ABCA13: variants seen among roughly 807,000 people sequenced by gnomAD.
ABCA13 encodes the protein ATP binding cassette subfamily A member 13, also known as ATP-binding cassette sub-family A member 13.
Under a neutral mutation model 478.7 loss-of-function variants are expected in ABCA13, and 476 were observed. That is an observed-to-expected ratio of 0.99 (90% CI 0.92 to 1.07). The LOEUF is 1.07. Ranked by LOEUF, ABCA13 falls within the 50% of genes least tolerant of loss-of-function variation. ABCA13 has a pLI of 0.00. For synonymous variants in ABCA13, 2,252 were observed against 2,158.9 expected (o/e 1.04, Z -1.20); for missense variants, 6,060 against 5,910.6 (o/e 1.03, Z -0.83).
At chr7:48,615,207 T>C (rs1792445974) in intron 58 of ABCA13, 78 bp from the exon 59 acceptor site, 15 of 972,060 alleles carry the variant, frequency 1.5e-5, no homozygotes, top group Non-Finnish European at 1.9e-5. Flanking sequence ...TCTTGTCTCC[T>C]TTTTGTTTTG....
chr7:48,293,204 C>CCCCCCCCCCCCCCAA (rs1554419805), intron 20 of ABCA13, among the ~76,000 whole-genome samples: 2 of 131,446 alleles, frequency 1.5e-5, no homozygotes, highest in Admixed American at 7.6e-5. Flanking sequence ...CCCCCCCCCG[C>CCCCCCCCCCCCCCAA]CACACACACA....
At chr7:48,531,178 T>A (rs1415089103) in intron 55 of ABCA13, among the ~76,000 whole-genome samples, 1 of 152,178 alleles carries the variant, frequency 6.6e-6, no homozygotes, top group Non-Finnish European at 1.5e-5. Flanking sequence ...AGGTGAGAGA[T>A]GAGGATCCAG....
chr7:48,184,927 T>G (rs922375164), intron 1 of ABCA13, among the ~76,000 whole-genome samples: 1 of 152,142 alleles, frequency 6.6e-6, no homozygotes, highest in Non-Finnish European at 1.5e-5. Context: ...CCTCAACCCC[T>G]TGGGCTCAAG....
intron 47 of ABCA13, among the ~76,000 whole-genome samples, chr7:48,488,508 C>G (rs1432048791): frequency 6.6e-6 from 1 of 152,176 alleles, no homozygotes; most frequent in African/African-American, 2.4e-5. Context: ...AGCGGATTAT[C>G]TGTCACAAAA....
intron 42 of ABCA13, among the ~76,000 whole-genome samples, chr7:48,442,865 A>G (rs1405473960): frequency 6.6e-6 from 1 of 152,182 alleles, no homozygotes; most frequent in Non-Finnish European, 1.5e-5. Context: ...TTATGGGGCT[A>G]TTCTCTCTTT....
chr7:48,645,285 A>C, intron 61 of ABCA13, 132 bp from the exon 62 acceptor site: 4 of 615,100 alleles, frequency 6.5e-6, no homozygotes, highest in Non-Finnish European at 5.7e-6. Context: ...TTGGGAGGGA[A>C]TGGTATGAAT....
intron 55 of ABCA13, among the ~76,000 whole-genome samples, chr7:48,542,296 A>G (rs565657205): frequency 6.6e-6 from 1 of 151,938 alleles, no homozygotes; most frequent in South Asian, 2.1e-4. Context: ...TACAAACATG[A>G]CAAATACAAC....
chr7:48,519,875 A>G (rs1832413507), intron 52 of ABCA13, among the ~76,000 whole-genome samples, 166 bp from the exon 53 acceptor site: 1 of 152,208 alleles, frequency 6.6e-6, no homozygotes, highest in Admixed American at 6.5e-5. Flanking sequence ...ATATCTCTAA[A>G]CAAAATACCT....
At chr7:48,288,205 T>C (rs1798031998) in intron 20 of ABCA13, 127 bp downstream of exon 20, 7 of 861,588 alleles carry the variant, frequency 8.1e-6, no homozygotes, top group Non-Finnish European at 1.3e-5. Context: ...CACAGTCTTG[T>C]TGCAAGCTGG....
chr7:48,495,131 G>A (rs1830166093), intron 48 of ABCA13, among the ~76,000 whole-genome samples: 1 of 152,158 alleles, frequency 6.6e-6, no homozygotes, highest in African/African-American at 2.4e-5. Flanking sequence ...AGGTATTATG[G>A]CAGTAGCAAT....
intron 48 of ABCA13, among the ~76,000 whole-genome samples, chr7:48,494,439 T>C (rs936258271): frequency 2.0e-5 from 3 of 152,036 alleles, no homozygotes; most frequent in African/African-American, 7.3e-5. Flanking sequence ...ATTTGAGATA[T>C]TTGAGAGAGA....
intron 59 of ABCA13, among the ~76,000 whole-genome samples, chr7:48,639,154 G>T (rs558438747): frequency 6.6e-6 from 1 of 152,286 alleles, no homozygotes; most frequent in African/African-American, 2.4e-5. Context: ...TTTCTTTCCA[G>T]TGGGTAATCA....
At chr7:48,512,256 G>GT (rs1831755382) in intron 51 of ABCA13, among the ~76,000 whole-genome samples, 1 of 152,098 alleles carries the variant, frequency 6.6e-6, no homozygotes, top group Non-Finnish European at 1.5e-5. Flanking sequence ...CTAATCCTCA[G>GT]TTTTTTCTTT....
In ABCA13 at chr7:48,271,844, G is replaced by A. The variant is rs778562592; in HGVS notation, c.2178G>A (p.Glu726=). 1.8e-5 allele frequency: 29 copies of A among 1,583,518 alleles called. No homozygotes were observed. Among genetic ancestry groups the A allele is most frequent in the African/African-American group, 2.7e-5 (2 of 74,380 alleles). Residue 726 remains glutamate, a synonymous_variant, in exon 17 of 62, where the codon GAG becomes GAA. Transcript: ENST00000435803. ...LMMEKKLHTL[E]DEQMNFLLSF... The stretch of plus-strand genomic sequence containing the variant: ...TGGAAAAGAAGTTGCACACCCTTGA[G>A]GATGAACAAATGAACTTTCTTTTAT...
At chr7:48,520,432 A>G in intron 53 of ABCA13, 138 bp downstream of exon 53, 1 of 1,063,280 alleles carries the variant, frequency 9.4e-7, no homozygotes, top group South Asian at 4.0e-5. Flanking sequence ...TTAAGATTTT[A>G]TTATTTTTTA....
At chr7:48,628,957 C>T (rs1793918360) in intron 59 of ABCA13, among the ~76,000 whole-genome samples, 1 of 152,188 alleles carries the variant, frequency 6.6e-6, no homozygotes, top group African/African-American at 2.4e-5. Context: ...CTAACAAGAA[C>T]AATAACTGAC....
chr7:48,424,111 A>G (rs1169957945), intron 41 of ABCA13, among the ~76,000 whole-genome samples: 1 of 152,206 alleles, frequency 6.6e-6, no homozygotes, highest in African/African-American at 2.4e-5. Flanking sequence ...TTCTTCTTAA[A>G]TTGGAAAGTG....
At chr7:48,244,173 C>T (rs147607675) in intron 10 of ABCA13, among the ~76,000 whole-genome samples, 211 of 152,260 alleles carry the variant, frequency 1.4e-3, no homozygotes, top group African/African-American at 4.8e-3. Context: ...GGGACCACTG[C>T]GATGGGTCCT....
At chr7:48,213,450 T>C (rs1395929596) in intron 3 of ABCA13, among the ~76,000 whole-genome samples, 1 of 152,218 alleles carries the variant, frequency 6.6e-6, no homozygotes, top group Non-Finnish European at 1.5e-5. Flanking sequence ...AGCTAAAAAA[T>C]GCTCATGATC....
Sources: allele counts gnomAD v4.1 joint callset (sites outside exome capture counted in the v4.1 genomes callset), GRCh38; gene constraint gnomAD v4.1.1; transcripts MANE v1.5; gene names NCBI Gene and HGNC (gene_info 2026-07-23, HGNC 2026-07-21).